Variants in SASH1 observed in about 807,000 individuals in gnomAD.
SASH1 encodes SAM and SH3 domain-containing protein 1.
In SASH1, 44 loss-of-function variants were observed where a neutral mutation model predicts 125.2. The ratio of observed to expected loss-of-function variants is 0.35; its 90% CI spans 0.28 to 0.45. The LOEUF (loss-of-function observed/expected upper bound fraction) is 0.45, where lower values mean the gene tolerates loss of function less well. Ranked by LOEUF, SASH1 falls within the 20% of genes least tolerant of loss-of-function variation. The pLI is 1.00. For synonymous variants in SASH1, 639 were observed against 649.1 expected (o/e 0.98, Z 0.24); for missense variants, 1,426 against 1,614.5 (o/e 0.88, Z 2.00).
intron 2 of SASH1, among the ~76,000 whole-genome samples, chr6:148,423,995 T>A: frequency 6.6e-6 from 1 of 151,136 alleles, no homozygotes; most frequent in African/African-American, 2.4e-5. Flanking sequence ...GTCAGAGGTC[T>A]GACCAGTTTC....
chr6:148,303,522 C>T (rs1011101356), intron 1 of SASH1, among the ~76,000 whole-genome samples: 1 of 152,086 alleles, frequency 6.6e-6, no homozygotes, highest in African/African-American at 2.4e-5. Context: ...CTAGGCTGGG[C>T]GCAGTGGCTC....
At chr6:148,236,385 G>C in the SASH1 span, among the ~76,000 whole-genome samples, 1 of 151,956 alleles carries the variant, frequency 6.6e-6, no homozygotes, top group Non-Finnish European at 1.5e-5. Flanking sequence ...GCTAATTTTT[G>C]TATTTTTGTA....
chr6:148,542,093 A>G (rs958692041), intron 17 of SASH1, among the ~76,000 whole-genome samples: 1 of 152,216 alleles, frequency 6.6e-6, no homozygotes, highest in African/African-American at 2.4e-5. Flanking sequence ...TCTCACAGAT[A>G]TCACTGGCAG....
intron 1 of SASH1, among the ~76,000 whole-genome samples, chr6:148,361,142 C>G (rs187483915): frequency 2.5e-3 from 377 of 152,258 alleles, no homozygotes; most frequent in Non-Finnish European, 4.1e-3. Context: ...TAGGAAGTGG[C>G]GAGGACCTCT....
In SASH1 at chr6:148,532,928, A is replaced by G; in HGVS notation, c.1696A>G (p.Thr566Ala). 1 of 1,613,992 alleles carries G rather than the reference A, an allele frequency of 6.2e-7. No individual in the cohort carries two copies. Among genetic ancestry groups the G allele is most frequent in the South Asian group, 1.1e-5 (1 of 91,068 alleles). Residue 566 changes from threonine (T) to alanine (A), a missense_variant, in exon 14 of 20, where the codon ACC (threonine) becomes GCC (alanine). This residue lies in a region of SASH1 where 225 missense variants were observed against 344.5 expected (regional missense o/e 0.65). Transcript: ENST00000367467. The surrounding 1 kb of genome is among the most constrained non-coding windows in gnomAD (Gnocchi z 4.7). Reference sequence around the variant, plus strand: ...GCGTGCCAGGGTGCACACCGACTTCACCCCCAGTCCCTATGACACAGACTC... The same window carrying G: ...GCGTGCCAGGGTGCACACCGACTTCGCCCCCAGTCCCTATGACACAGACTC... ...CGRARVHTDFTPSPYDTDSLK... is the reference protein window; with the variant it reads ...CGRARVHTDFAPSPYDTDSLK...
intron 1 of SASH1, among the ~76,000 whole-genome samples, chr6:148,299,266 G>A (rs909369301): frequency 6.6e-6 from 1 of 152,006 alleles, no homozygotes; most frequent in African/African-American, 2.4e-5. Flanking sequence ...AAATAGGGGA[G>A]CGGACACTCT....
At chr6:148,376,129 A>G (rs779199063) in intron 1 of SASH1, among the ~76,000 whole-genome samples, 1 of 152,084 alleles carries the variant, frequency 6.6e-6, no homozygotes, top group Non-Finnish European at 1.5e-5. Context: ...CAGTGGTACA[A>G]TCTCCAACCT....
rs970497578 is a variant in SASH1, at chr6:148,529,059, T to G, written c.1428+1463T>G. ...TCCTACGAGAATCTAATACCGCCGC[T>G]GATCTGACAGGAGGTGGAGCTCAGA... On this transcript the variant is annotated intron_variant, in intron 12 of 19. Coordinates refer to ENST00000367467, the MANE Select transcript of SASH1 (RefSeq NM_015278.5). This position sits in a 1 kb window ranked among gnomAD's most constrained non-coding sequence, Gnocchi z 4.2. Among the ~76,000 whole-genome samples the G allele has an allele frequency of 3.9e-5, 6 of 152,114 alleles. No homozygotes were observed. Among genetic ancestry groups the G allele is most frequent in the Non-Finnish European group, 2.9e-5 (2 of 68,018 alleles).
chr6:148,211,576 GA>G, the SASH1 span, among the ~76,000 whole-genome samples: 723 of 138,480 alleles, frequency 5.2e-3, 1 homozygote, highest in Middle Eastern at 0.011. Context: ...ATCTCAAAGG[GA>G]AAAAAAAAAA....
In SASH1 at chr6:148,533,656, G is replaced by T. The variant is rs556431294; in HGVS notation, c.1735-115G>T. The T allele has an allele frequency of 3.0e-6, 3 of 984,430 alleles. No homozygotes were observed. Among genetic ancestry groups the T allele is most frequent in the Admixed American group, 2.0e-5 (1 of 50,112 alleles). The allele number at this position is 984,430 out of a possible 1,614,324, so 61.0% of individuals were successfully genotyped here. ...TCAGAGGGGTGACTTGTGGGACCCC[G>T]ATTCTGGCCTTTGTGGCATCTTCAC... On this transcript the variant is annotated intron_variant, in intron 14 of 19. Coordinates refer to ENST00000367467, the MANE Select transcript of SASH1 (RefSeq NM_015278.5). The surrounding 1 kb of genome is among the most constrained non-coding windows in gnomAD (Gnocchi z 6.2).
chr6:148,289,720 G>T (rs1254023552), intron 1 of SASH1, among the ~76,000 whole-genome samples: 2 of 152,112 alleles, frequency 1.3e-5, no homozygotes, highest in African/African-American at 4.8e-5. Flanking sequence ...TGAGGAATAG[G>T]GGCAGGGGAT....
chr6:148,209,198 T>C, the SASH1 span, among the ~76,000 whole-genome samples: 5 of 152,368 alleles, frequency 3.3e-5, no homozygotes, highest in East Asian at 9.6e-4. Flanking sequence ...TGATGCCAGA[T>C]GATTCAAGAT....
At chr6:148,224,010 T>A in the SASH1 span, among the ~76,000 whole-genome samples, 1 of 152,178 alleles carries the variant, frequency 6.6e-6, no homozygotes, top group African/African-American at 2.4e-5. Flanking sequence ...AAGTCTTACA[T>A]GGGCCAGGCA....
At chr6:148,387,615 T>C (rs563124200) in intron 1 of SASH1, among the ~76,000 whole-genome samples, 2,717 of 31,838 alleles carry the variant, frequency 0.085, 165 homozygotes, top group Middle Eastern at 0.27. Flanking sequence ...TTTCTTTCTT[T>C]CTTTCTTTCT....
At chr6:148,287,591 A>G (rs910547178) in intron 1 of SASH1, among the ~76,000 whole-genome samples, 1 of 150,846 alleles carries the variant, frequency 6.6e-6, no homozygotes, top group East Asian at 1.9e-4. Context: ...ATTTAAGATT[A>G]TTTTATTATG....
intron 1 of SASH1, among the ~76,000 whole-genome samples, chr6:148,385,447 C>T (rs575021726): frequency 2.0e-5 from 3 of 152,160 alleles, no homozygotes; most frequent in Admixed American, 1.3e-4. Context: ...TGTTTTCCGG[C>T]AAACTCCTAA....
In SASH1 at chr6:148,533,607, A is replaced by ACAGT. The variant is rs754322327; in HGVS notation, c.1735-161_1735-158dup. ...CACCTGTCTGGCCTCTGCGGAGCTC[A>ACAGT]CAGTCACATCCTATGCAGGTCACTC... On this transcript the variant is annotated intron_variant, in intron 14 of 19. Coordinates refer to ENST00000367467, the MANE Select transcript of SASH1 (RefSeq NM_015278.5). This position sits in a 1 kb window ranked among gnomAD's most constrained non-coding sequence, Gnocchi z 6.2. Among the ~76,000 whole-genome samples the ACAGT allele has an allele frequency of 2.6e-5, 4 of 152,288 alleles. 1 individual carries two copies. The highest frequency in any genetic ancestry group is 2.4e-5 in the African/African-American group (1 of 41,578).
At position 148,344,792 on chromosome 6, in the gene SASH1, G is replaced by A. The variant is rs576359818; in HGVS notation, c.156+1569G>A. ...TTTTTTTGAGACGAAGTCTTGCTCC[G>A]TCGCCCAGGCTGGGGTGCAGTGGCA... On this transcript the variant is annotated intron_variant, in intron 1 of 19. Coordinates refer to ENST00000367467, the MANE Select transcript of SASH1 (RefSeq NM_015278.5). Among the ~76,000 whole-genome samples, 18 of 145,580 alleles carry A rather than the reference G, an allele frequency of 1.2e-4. No individual in the cohort carries two copies. The South Asian group carries it at 2.4e-3, about 19-fold the overall frequency.
intron 1 of SASH1, among the ~76,000 whole-genome samples, chr6:148,349,869 G>A (rs1460928469): frequency 2.7e-5 from 4 of 147,016 alleles, no homozygotes; most frequent in Admixed American, 6.8e-5. Context: ...TTTTTGAGAC[G>A]GAGTCTCGCT....
Sources: gnomAD v4.1 joint callset for allele counts (sites outside exome capture counted in the v4.1 genomes callset) on GRCh38, gnomAD v4.1.1 for gene constraint, gnomAD v4.1.1 regional missense constraint, Gnocchi (gnomAD v3.1) non-coding constraint, MANE v1.5 for transcripts, NCBI Gene and HGNC (gene_info 2026-07-23, HGNC 2026-07-21) for gene names.